EIF3A: variants seen among roughly 807,000 people sequenced by gnomAD.
The protein encoded by EIF3A is eukaryotic translation initiation factor 3 subunit A.
EIF3A carries 21 observed loss-of-function variants against 186.6 expected under a neutral mutation model. The ratio of observed to expected loss-of-function variants is 0.11; its 90% CI spans 0.08 to 0.16. EIF3A has a LOEUF of 0.16. Ranked by LOEUF, EIF3A falls within the 10% of genes least tolerant of loss-of-function variation. The probability of loss-of-function intolerance (pLI) is 1.00; values close to 1 mark genes in which losing one functional copy is unlikely to be tolerated. For synonymous variants in EIF3A, 563 were observed against 584.3 expected (o/e 0.96, Z 0.52); for missense variants, 1,306 against 1,796.3 (o/e 0.73, Z 4.93).
chr10:119,047,457 T>A (rs1848295573), intron 17 of EIF3A, among the ~76,000 whole-genome samples: 1 of 152,030 alleles, frequency 6.6e-6, no homozygotes. Flanking sequence ...AAAGGGAAGG[T>A]GTGTGTGGGC....
intron 6 of EIF3A, 138 bp from the exon 7 acceptor site, chr10:119,065,708 T>C (rs1843961597): frequency 1.6e-6 from 1 of 607,370 alleles, no homozygotes. Context: ...TACTCATAAA[T>C]ATTATTCCAT....
intron 19 of EIF3A, among the ~76,000 whole-genome samples, chr10:119,039,325 A>G (rs1848177446): frequency 6.6e-6 from 1 of 152,150 alleles, no homozygotes; most frequent in African/African-American, 2.4e-5. Context: ...ATAGAGATGT[A>G]AATTTGCTGG....
At chr10:119,075,593 G>A (rs1392455984) in intron 1 of EIF3A, among the ~76,000 whole-genome samples, 5 of 81,070 alleles carry the variant, frequency 6.2e-5, no homozygotes, top group African/African-American at 2.4e-4. Context: ...TAATTTGGGG[G>A]AACTAAAACA....
chr10:119,065,332 T>C (rs150878252), intron 7 of EIF3A, 67 bp downstream of exon 7: 3 of 1,131,414 alleles, frequency 2.7e-6, no homozygotes, highest in Non-Finnish European at 3.9e-6. Flanking sequence ...TATTTAATCA[T>C]GAGTTATTAA....
In EIF3A at chr10:119,080,638, T is replaced by C. The variant is rs766440878; in HGVS notation, c.39A>G (p.Lys13=). ...AYFQRPENAL[K]RANEFLEVGK... The stretch of plus-strand genomic sequence containing the variant: ...CGATCAGCTACTCACCGTTGGCGCG[T>C]TTGAGGGCATTTTCCGGCCTCTGAA... Residue 13 remains lysine (K), a synonymous_variant, in exon 1 of 22, where the codon AAA becomes AAG. Transcript: ENST00000369144. 3 of 1,594,348 alleles carry C rather than the reference T, an allele frequency of 1.9e-6. No homozygotes were observed. Among genetic ancestry groups the C allele is most frequent in the East Asian group, 4.6e-5 (2 of 43,840 alleles).
rs1848354749 is a variant in EIF3A at position 119,051,395 on chromosome 10, C to T, written c.2197-74G>A. The T allele has an allele frequency of 4.2e-6, 6 of 1,422,262 alleles. No homozygotes were observed. In the Admixed American group the frequency reaches 7.7e-5, roughly 18 times the overall value. The allele number at this position is 1,422,262 out of a possible 1,614,324, so 88.1% of individuals were successfully genotyped here. A position where few individuals can be genotyped will look rare whatever the true frequency, so the allele number is the denominator to read the frequency against. ...ATTAACCCCAAATTACTGAGAAATACTCTTGAAAAATTAGAAGCTGCTCCA... is the reference window on the plus strand; with the variant it reads ...ATTAACCCCAAATTACTGAGAAATATTCTTGAAAAATTAGAAGCTGCTCCA... On this transcript the variant is annotated intron_variant, in intron 14 of 21. Transcript: ENST00000369144.
chr10:119,069,342 C>T, intron 6 of EIF3A, 104 bp downstream of exon 6: 1 of 665,570 alleles, frequency 1.5e-6, no homozygotes, highest in Non-Finnish European at 2.7e-6. Flanking sequence ...CCCAAAATGT[C>T]AGTAGTGCAG....
intron 6 of EIF3A, 91 bp downstream of exon 6, chr10:119,069,355 G>A (rs1293923947): frequency 1.4e-6 from 1 of 709,416 alleles, no homozygotes; most frequent in Non-Finnish European, 2.5e-6. Flanking sequence ...TAGTGCAGAG[G>A]CTGAGAAACC....
intron 14 of EIF3A, among the ~76,000 whole-genome samples, chr10:119,055,731 T>C (rs572981629): frequency 2.9e-4 from 44 of 152,150 alleles, no homozygotes; most frequent in African/African-American, 1.0e-3. Context: ...AAGGTGTGCC[T>C]ATATATAATA....
At chr10:119,080,217 G>A (rs747248307) in intron 1 of EIF3A, among the ~76,000 whole-genome samples, 13 of 152,202 alleles carry the variant, frequency 8.5e-5, no homozygotes, top group Non-Finnish European at 1.5e-4. Flanking sequence ...CCGGGAGGGA[G>A]CCATGTTTCT....
At chr10:119,045,652 C>G (rs1848273004) in intron 17 of EIF3A, among the ~76,000 whole-genome samples, 1 of 152,192 alleles carries the variant, frequency 6.6e-6, no homozygotes, top group South Asian at 2.1e-4. Context: ...AGAAGTAACT[C>G]TGCCTCCTGG....
Position 119,070,700 on chromosome 10 carries a change from A to C in EIF3A, c.741+186T>G, listed in dbSNP as rs769070081. ...TATGGTTTGGTCCAGAATTCATAGA[A>C]GGCAACTAGAAACAAAATATTCTGA... On this transcript the variant is annotated intron_variant, in intron 5 of 21. Coordinates refer to ENST00000369144, the MANE Select transcript of EIF3A (RefSeq NM_003750.4). Among the ~76,000 whole-genome samples, 12 of 152,234 alleles carry C rather than the reference A, an allele frequency of 7.9e-5. 1 individual carries two copies. The highest frequency in any genetic ancestry group is 1.6e-4 in the Non-Finnish European group (11 of 68,046).
intron 14 of EIF3A, among the ~76,000 whole-genome samples, chr10:119,053,017 A>G (rs919812826): frequency 6.6e-5 from 10 of 152,264 alleles, no homozygotes; most frequent in Non-Finnish European, 1.3e-4. Flanking sequence ...AACAGGCATG[A>G]AAACAAACAT....
intron 7 of EIF3A, 62 bp from the exon 8 acceptor site, chr10:119,061,390 C>A: frequency 2.6e-6 from 2 of 762,190 alleles, no homozygotes; most frequent in Non-Finnish European, 2.2e-6. Flanking sequence ...AAATTCTGAA[C>A]TTAGTATAAA....
intron 6 of EIF3A, among the ~76,000 whole-genome samples, chr10:119,066,135 A>T (rs537534935): frequency 1.3e-4 from 19 of 151,848 alleles, no homozygotes; most frequent in South Asian, 1.2e-3. Flanking sequence ...AAAAAAAGAA[A>T]GAAAAAGATT....
chr10:119,042,170 C>T lies in EIF3A; in HGVS notation c.3350G>A (p.Arg1117Gln), dbSNP rs768823906. The T allele has an allele frequency of 1.2e-6, 2 of 1,613,918 alleles. No individual in the cohort carries two copies. Among genetic ancestry groups the T allele is most frequent in the South Asian group, 1.1e-5 (1 of 91,082 alleles). The change falls in exon 19 of 22, where the codon CGA (arginine) becomes CAA (glutamine). Residue 1117 changes from arginine to glutamine, a missense_variant. Arg to Gln is a conservative substitution (Grantham distance 43). Coordinates refer to ENST00000369144, the MANE Select transcript of EIF3A (RefSeq NM_003750.4). This position sits in a 1 kb window ranked among gnomAD's most constrained non-coding sequence, Gnocchi z 7.8. ...ATCATCGGCGTTCCTCCAAGGTCCT[C>T]GATCATCATCCAACCCTCGCCTGGG... The part of the protein sequence containing the change: ...RGPRRGLDDD[R>Q]GPWRNADDDR...
chr10:119,037,907 ATTTTTTTTTTTT>A (rs575308953), intron 20 of EIF3A, among the ~76,000 whole-genome samples: 2 of 93,104 alleles, frequency 2.1e-5, no homozygotes, highest in Non-Finnish European at 3.8e-5. Flanking sequence ...TTAAGAGGGA[ATTTTTTTTTTTT>A]TTTTTTTTTT....
chr10:119,050,065 A>T, intron 16 of EIF3A, 80 bp from the exon 17 acceptor site: 1 of 1,319,334 alleles, frequency 7.6e-7, no homozygotes. Flanking sequence ...TCTGGTATTA[A>T]ACAGGTAGCA....
chr10:119,042,320 C>T lies in EIF3A; in HGVS notation c.3200G>A (p.Arg1067Gln), dbSNP rs775305152. The change falls in exon 19 of 22, where the codon CGG (arginine) becomes CAG (glutamine). Residue 1067 changes from arginine (R) to glutamine (Q), a missense_variant. Physicochemically the swap from Arg to Gln is conservative, Grantham distance 43 (BLOSUM62 1). Around this residue, in one of 8 missense-constraint regions of EIF3A, gnomAD observed 410 missense variants for 473.5 expected, o/e 0.87. Transcript: ENST00000369144. This position sits in a 1 kb window ranked among gnomAD's most constrained non-coding sequence, Gnocchi z 7.8. ...RSSWRNADDDRGPRRGLDDDR... is the reference protein window; with the variant it reads ...RSSWRNADDDQGPRRGLDDDR... ...ATCATCCAACCCTCGCCTGGGACCC[C>T]GGTCATCATCAGCATTACGCCAGGA... 2.5e-6 allele frequency: 4 copies of T among 1,613,822 alleles called. No individual in the cohort carries two copies. Among genetic ancestry groups the T allele is most frequent in the East Asian group, 4.5e-5 (2 of 44,866 alleles).
Sources: gnomAD v4.1 joint callset for allele counts (sites outside exome capture counted in the v4.1 genomes callset) on GRCh38, gnomAD v4.1.1 for gene constraint, gnomAD v4.1.1 regional missense constraint, Gnocchi (gnomAD v3.1) non-coding constraint, MANE v1.5 for transcripts, NCBI Gene and HGNC (gene_info 2026-07-23, HGNC 2026-07-21) for gene names.